Variants in RAET1L observed in about 807,000 individuals in gnomAD.
RAET1L encodes the protein retinoic acid early transcript 1L, also known as UL16-binding protein 6.
RAET1L carries 16 observed loss-of-function variants against 23.9 expected under a neutral mutation model. The ratio of observed to expected loss-of-function variants is 0.67; its 90% confidence interval spans 0.45 to 1.02. The LOEUF is 1.02. RAET1L is among the 50% of genes least tolerant of loss of function. The probability of loss-of-function intolerance (pLI) is 0.00; values close to 1 mark genes in which losing one functional copy is unlikely to be tolerated. For synonymous variants in RAET1L, 70 were observed against 111.2 expected, an observed-to-expected ratio of 0.63 and a Z score of 2.33; for missense variants, 233 against 304.0, an observed-to-expected ratio of 0.77 and a Z score of 1.74.
intron 2 of RAET1L, among the ~76,000 whole-genome samples, 173 bp downstream of exon 2, chr6:150,021,807 C>T (rs1380919631): frequency 6.6e-6 from 1 of 151,670 alleles, no homozygotes; most frequent in Non-Finnish European, 1.5e-5. Context: ...GTTGGTCAGG[C>T]GGTCTCGAAT....
intron 1 of RAET1L, 29 bp downstream of exon 1, chr6:150,025,357 GC>G (rs1775875457): frequency 6.3e-7 from 1 of 1,597,172 alleles, no homozygotes; most frequent in East Asian, 2.2e-5. Context: ...TTTGGCCCCC[GC>G]CCCGCTTAGG....
In RAET1L at chr6:150,025,419, A is replaced by C. The variant is rs765017606; in HGVS notation, c.53T>G (p.Leu18Arg). ...ALLLCLPLLF[L>R]LFGWSRARRD... ...CCTAGCCCGGGACCAGCCGAACAGC[A>C]GGAACAGAAGCGGGAGGCACAGAAG... The change falls in exon 1 of 5, where the codon CTG becomes CGG. Residue 18 changes from leucine to arginine, a missense_variant. Around this residue, in one of 4 missense-constraint regions of RAET1L, gnomAD observed 42 missense variants for 35.0 expected, o/e 1.20. Coordinates refer to ENST00000367341, the MANE Select transcript of RAET1L (RefSeq NM_130900.3). 3 of 1,614,066 alleles carry C rather than the reference A, an allele frequency of 1.9e-6. No homozygotes were observed. The highest frequency in any genetic ancestry group is 2.5e-6 in the Non-Finnish European group (3 of 1,179,914).
chr6:150,023,694 A>G, intron 1 of RAET1L, among the ~76,000 whole-genome samples: 1 of 152,196 alleles, frequency 6.6e-6, no homozygotes, highest in Non-Finnish European at 1.5e-5. Context: ...CTAGAGGTAC[A>G]TGTGGTCACA....
At chr6:150,021,890 G>A (rs1779893511) in intron 2 of RAET1L, 90 bp downstream of exon 2, 6 of 1,525,998 alleles carry the variant, frequency 3.9e-6, no homozygotes, top group Non-Finnish European at 5.4e-6. Context: ...CCGTGCCCAG[G>A]ACCCTTTTGT....
rs761268962 is a variant in RAET1L at position 150,025,402 on chromosome 6, G to A, written c.70C>T (p.Arg24Trp). 3 of 1,613,876 alleles carry A rather than the reference G, an allele frequency of 1.9e-6. No individual in the cohort carries two copies. The highest frequency in any genetic ancestry group is 1.1e-5 in the South Asian group (1 of 91,058). The stretch of plus-strand genomic sequence containing the variant: ...ACCAGCTCACCGTCTCGCCTAGCCC[G>A]GGACCAGCCGAACAGCAGGAACAGA... ...PLLFLLFGWSRARRDDPHSLC... is the reference protein window; with the variant it reads ...PLLFLLFGWSWARRDDPHSLC... Residue 24 changes from arginine to tryptophan, a missense_variant, in exon 1 of 5, where the codon CGG (arginine) becomes TGG (tryptophan). Arg to Trp is a moderately radical substitution (Grantham distance 101). This residue lies in a region of RAET1L where 42 missense variants were observed against 35.0 expected (regional missense o/e 1.20). Transcript: ENST00000367341.
At chr6:150,019,115 C>A (rs1779856415) in intron 4 of RAET1L, among the ~76,000 whole-genome samples, 1 of 152,138 alleles carries the variant, frequency 6.6e-6, no homozygotes, top group African/African-American at 2.4e-5. Context: ...AGTGATGGGT[C>A]CGCTCCCTCA....
chr6:150,020,936 G>A lies in RAET1L; in HGVS notation c.600C>T (p.Gly200=), dbSNP rs542142851. Residue 200 remains glycine (G), a synonymous_variant, in exon 3 of 5, where the codon GGC becomes GGT. Coordinates refer to ENST00000367341, the MANE Select transcript of RAET1L (RefSeq NM_130900.3). ...CIGWLEDFLM[G]MDSTLEPSAG... is the part of the protein sequence containing the mutation. ...CACTTGGCTCCAGGGTGCTGTCCAT[G>A]CCCATCAAGAAGTCCTCAAGCCATC... 1.4e-4 allele frequency: 234 copies of A among 1,614,106 alleles called. 1 individual carries two copies. In the East Asian group the frequency reaches 4.9e-3, roughly 34 times the overall value.
chr6:150,019,088 A>G (rs1049854998), intron 4 of RAET1L, among the ~76,000 whole-genome samples: 111 of 152,240 alleles, frequency 7.3e-4, no homozygotes, highest in African/African-American at 2.5e-3. Context: ...GGAGGGGCCC[A>G]CAGGTCTGAA....
At chr6:150,021,752 T>G (rs1443391618) in intron 2 of RAET1L, among the ~76,000 whole-genome samples, 1 of 151,550 alleles carries the variant, frequency 6.6e-6, no homozygotes, top group Non-Finnish European at 1.5e-5. Flanking sequence ...TGCGCCACCA[T>G]GCCTGGCTAA....
chr6:150,022,635 C>T (rs1338308611), intron 1 of RAET1L, among the ~76,000 whole-genome samples: 2 of 107,216 alleles, frequency 1.9e-5, no homozygotes, highest in Non-Finnish European at 4.4e-5. Context: ...TGTGGGTCCA[C>T]CCCTGTGGAT....
chr6:150,019,127 T>A (rs1779856599), intron 4 of RAET1L, among the ~76,000 whole-genome samples: 1 of 152,128 alleles, frequency 6.6e-6, no homozygotes, highest in African/African-American at 2.4e-5. Flanking sequence ...GCTCCCTCAC[T>A]CAAGGCCCTC....
In RAET1L at chr6:150,021,113, GA is replaced by G; in HGVS notation, c.422del (p.Phe141SerfsTer28). 1 of 1,613,974 alleles carries G rather than the reference GA, an allele frequency of 6.2e-7. No individual in the cohort carries two copies. Among genetic ancestry groups the G allele is most frequent in the Non-Finnish European group, 8.5e-7 (1 of 1,180,034 alleles). On this transcript the variant is annotated frameshift_variant, in exon 3 of 5. Transcript: ENST00000367341. LOFTEE classifies it high-confidence loss of function. ...AEGHSSGSWQ[F>X]SIDGQTFLLF... ...GTAGGAAGGTCTGTCCATCGATACT[GA>G]ACTGCCAAGATCCACTGCTGTGTCC...
rs116975750 is a variant in RAET1L at position 150,025,310 on chromosome 6, C to A, written c.85+77G>T. 0.01 allele frequency: 13,192 copies of A among 1,273,198 alleles called. 675 individuals are homozygous for A. In the Admixed American group the frequency reaches 0.13, roughly 13 times the overall value. The allele number at this position is 1,273,198 out of a possible 1,614,324, so 78.9% of individuals were successfully genotyped here. ...TCCCTTGTCCTTCCAGAAGCCTTCC[C>A]TCCTCTGAAACCCGCTGCAGTCCAC... On this transcript the variant is annotated intron_variant, in intron 1 of 4. Transcript: ENST00000367341.
intron 3 of RAET1L, among the ~76,000 whole-genome samples, chr6:150,020,485 G>A (rs537708859): frequency 7.6e-4 from 116 of 152,270 alleles, no homozygotes; most frequent in Non-Finnish European, 1.2e-3. Context: ...CCTGCTGTGG[G>A]GGAAGAGGAG....
chr6:150,023,395 C>A (rs1779909807), intron 1 of RAET1L, among the ~76,000 whole-genome samples: 1 of 151,638 alleles, frequency 6.6e-6, no homozygotes, highest in Non-Finnish European at 1.5e-5. Context: ...ACTTCTCAGA[C>A]CCTGAACCCA....
intron 1 of RAET1L, 93 bp downstream of exon 1, chr6:150,025,294 C>T: frequency 9.3e-7 from 1 of 1,075,804 alleles, no homozygotes; most frequent in Non-Finnish European, 1.4e-6. Flanking sequence ...CTCCCTTGTC[C>T]TTCCAGAAGC....
At chr6:150,023,818 A>AGTGGCT (rs1171494980) in intron 1 of RAET1L, among the ~76,000 whole-genome samples, 2 of 152,202 alleles carry the variant, frequency 1.3e-5, no homozygotes, top group African/African-American at 2.4e-5. Context: ...AGAGTACTGC[A>AGTGGCT]CCTTGGCAGA....
At chr6:150,020,385 C>T in intron 3 of RAET1L, 146 bp from the exon 4 acceptor site, 1 of 1,482,778 alleles carries the variant, frequency 6.7e-7, no homozygotes, top group Non-Finnish European at 9.2e-7. Context: ...TATGACAGGT[C>T]CTGGCTTAGG....
At position 150,025,385 on chromosome 6, in the gene RAET1L, A is replaced by T; in HGVS notation, c.85+2T>A. The T allele has an allele frequency of 6.2e-7, 1 of 1,613,010 alleles. No individual in the cohort carries two copies. The highest frequency in any genetic ancestry group is 8.5e-7 in the Non-Finnish European group (1 of 1,179,212). Reference sequence around the variant, plus strand: ...CCGCTTAGGCTCCATCCACCAGCTCACCGTCTCGCCTAGCCCGGGACCAGC... The same window carrying T: ...CCGCTTAGGCTCCATCCACCAGCTCTCCGTCTCGCCTAGCCCGGGACCAGC... On this transcript the variant is annotated splice_donor_variant, in intron 1 of 4. Transcript: ENST00000367341. LOFTEE classifies it high-confidence loss of function.
Sources: gnomAD v4.1 joint callset for allele counts (sites outside exome capture counted in the v4.1 genomes callset) on GRCh38, gnomAD v4.1.1 for gene constraint, gnomAD v4.1.1 regional missense constraint, MANE v1.5 for transcripts, NCBI Gene and HGNC (gene_info 2026-07-23, HGNC 2026-07-21) for gene names.